The following AKAP19 variants were observed in gnomAD, a reference collection of about 807,000 sequenced individuals.
AKAP19 encodes small A-kinase anchoring protein.
At chr2:189,921,222 T>G in the AKAP19 span, among the ~76,000 whole-genome samples, 1 of 152,130 alleles carries the variant, frequency 6.6e-6, no homozygotes, top group Non-Finnish European at 1.5e-5. Context: ...AACTTTAGTT[T>G]TAAAGGTGGT....
At chr2:190,000,098 C>A in the AKAP19 span, among the ~76,000 whole-genome samples, 1 of 152,148 alleles carries the variant, frequency 6.6e-6, no homozygotes, top group Non-Finnish European at 1.5e-5. Context: ...CTTGGGCCAT[C>A]CCTTTTGATA....
chr2:190,029,206 C>T, the AKAP19 span, among the ~76,000 whole-genome samples: 1 of 151,994 alleles, frequency 6.6e-6, no homozygotes, highest in African/African-American at 2.4e-5. Context: ...GCATGCACCA[C>T]CTTGCCTGGC....
chr2:189,977,911 A>C, the AKAP19 span, among the ~76,000 whole-genome samples: 1 of 152,240 alleles, frequency 6.6e-6, no homozygotes, highest in Non-Finnish European at 1.5e-5. Flanking sequence ...GTCTTCATAC[A>C]ACCATTCTGT....
At chr2:190,000,003 C>A in the AKAP19 span, among the ~76,000 whole-genome samples, 3 of 152,150 alleles carry the variant, frequency 2.0e-5, no homozygotes, top group African/African-American at 7.2e-5. Flanking sequence ...CTGATTTGCT[C>A]ACGGAATCTA....
the AKAP19 span, among the ~76,000 whole-genome samples, chr2:189,961,429 C>T: frequency 1.3e-5 from 2 of 152,046 alleles, no homozygotes; most frequent in African/African-American, 4.8e-5. Context: ...AATAAGACTG[C>T]CTTTACCATA....
the AKAP19 span, among the ~76,000 whole-genome samples, chr2:189,997,879 C>A: frequency 7.2e-5 from 11 of 152,254 alleles, 1 homozygote; most frequent in Admixed American, 5.9e-4. Context: ...ACCCTGCATA[C>A]CTCCCAAATT....
chr2:190,005,155 C>A, the AKAP19 span, among the ~76,000 whole-genome samples: 2 of 152,116 alleles, frequency 1.3e-5, no homozygotes, highest in Non-Finnish European at 2.9e-5. Context: ...TTGTGCAGAC[C>A]CAAAGAGTCA....
At chr2:189,966,640 A>G in the AKAP19 span, among the ~76,000 whole-genome samples, 1 of 152,166 alleles carries the variant, frequency 6.6e-6, no homozygotes, top group South Asian at 2.1e-4. Flanking sequence ...ACAAACTTAC[A>G]CATCTGATAA....
At chr2:190,051,736 G>T in the AKAP19 span, among the ~76,000 whole-genome samples, 4 of 152,022 alleles carry the variant, frequency 2.6e-5, no homozygotes, top group African/African-American at 9.7e-5. Flanking sequence ...CTAGACTTTG[G>T]GACAATTTTA....
chr2:189,907,958 T>G, the AKAP19 span, among the ~76,000 whole-genome samples: 2 of 152,082 alleles, frequency 1.3e-5, no homozygotes, highest in African/African-American at 2.4e-5. Context: ...TTTCTGAGTC[T>G]AGCTAAAGGT....
chr2:189,886,704 T>C, the AKAP19 span, among the ~76,000 whole-genome samples: 1 of 152,178 alleles, frequency 6.6e-6, no homozygotes, highest in Admixed American at 6.5e-5. Flanking sequence ...AAGGTTTTCT[T>C]TTTTGTTTCT....
chr2:190,006,008 A>G, the AKAP19 span, among the ~76,000 whole-genome samples: 2 of 152,134 alleles, frequency 1.3e-5, no homozygotes, highest in Non-Finnish European at 2.9e-5. Flanking sequence ...ATACATATTA[A>G]TTTCTATTAT....
the AKAP19 span, among the ~76,000 whole-genome samples, chr2:190,083,250 G>C: frequency 6.6e-6 from 1 of 152,138 alleles, no homozygotes; most frequent in Admixed American, 6.5e-5. Flanking sequence ...GTGGTGGTGT[G>C]CACCTGTAGT....
the AKAP19 span, among the ~76,000 whole-genome samples, chr2:190,146,845 T>C: frequency 1.3e-5 from 2 of 152,192 alleles, no homozygotes; most frequent in African/African-American, 4.8e-5. Flanking sequence ...ATTGATGGGA[T>C]TGTTTATTTT....
chr2:189,934,259 A>ACACAT, the AKAP19 span, among the ~76,000 whole-genome samples: 11 of 152,020 alleles, frequency 7.2e-5, no homozygotes, highest in Non-Finnish European at 1.3e-4. Context: ...CATTTTTTGC[A>ACACAT]TGTTGCACAC....
the AKAP19 span, among the ~76,000 whole-genome samples, chr2:190,051,822 T>TTTTATTTATTTATTTATTTATTTATTTA: frequency 4.0e-4 from 60 of 149,660 alleles, no homozygotes; most frequent in East Asian, 2.4e-3. Flanking sequence ...TTTTTTTATT[T>TTTTATTTATTTATTTATTTATTTATTTA]TTTATTTATT....
chr2:190,073,528 G>A, the AKAP19 span, among the ~76,000 whole-genome samples: 2,628 of 151,890 alleles, frequency 0.017, 58 homozygotes, highest in African/African-American at 0.046. Context: ...TACTCTAAAA[G>A]CCACCCTTCT....
chr2:190,094,900 A>G, the AKAP19 span, among the ~76,000 whole-genome samples: 17 of 152,372 alleles, frequency 1.1e-4, no homozygotes, highest in East Asian at 5.8e-4. Flanking sequence ...TTCAAGAAAA[A>G]TAGTATTCAA....
the AKAP19 span, among the ~76,000 whole-genome samples, chr2:190,191,973 CTAGTT>C: frequency 6.7e-6 from 1 of 150,350 alleles, no homozygotes; most frequent in South Asian, 2.1e-4. Context: ...TTGATTCAGT[CTAGTT>C]TACCAGTTTT....
Sources: gnomAD v4.1 joint callset for allele counts (sites outside exome capture counted in the v4.1 genomes callset) on GRCh38, gnomAD v4.1.1 for gene constraint, MANE v1.5 for transcripts, NCBI Gene and HGNC (gene_info 2026-07-23, HGNC 2026-07-21) for gene names.